DGLUCY: variants seen among roughly 807,000 people sequenced by gnomAD.
DGLUCY encodes the protein D-glutamate cyclase, mitochondrial.
DGLUCY carries 58 observed loss-of-function variants against 58.5 expected under a neutral mutation model. The ratio of observed to expected loss-of-function variants is 0.99; its 90% CI spans 0.80 to 1.23. The LOEUF is 1.23. Ranked by LOEUF, DGLUCY falls within the 50% of genes most tolerant of loss-of-function variation. DGLUCY has a pLI of 0.00. For synonymous variants in DGLUCY, 325 were observed against 314.1 expected (o/e 1.03, Z -0.37); for missense variants, 779 against 784.7 (o/e 0.99, Z 0.09).
chr14:91,081,352 G>C (rs2044124598), intron 1 of DGLUCY, among the ~76,000 whole-genome samples: 1 of 152,204 alleles, frequency 6.6e-6, no homozygotes, highest in South Asian at 2.1e-4. Context: ...CAGCAATACG[G>C]TACTAAATTT....
intron 10 of DGLUCY, 59 bp downstream of exon 10, chr14:91,196,533 A>T (rs1241545278): frequency 7.1e-7 from 1 of 1,405,532 alleles, no homozygotes; most frequent in East Asian, 2.3e-5. Context: ...TATGCTCTTC[A>T]CTTAGCCAAC....
exon 1 of DGLUCY, chr14:91,060,580 C>G: frequency 1.8e-6 from 2 of 1,084,728 alleles, no homozygotes; most frequent in Non-Finnish European, 1.2e-6. Context: ...GTCTCTTTCC[C>G]GCTCTGGCCG....
intron 1 of DGLUCY, among the ~76,000 whole-genome samples, chr14:91,085,221 CAAAAAAAAAA>C (rs745438426): frequency 1.1e-5 from 1 of 89,286 alleles, no homozygotes; most frequent in African/African-American, 3.7e-5. Context: ...AACCCTGTCT[CAAAAAAAAAA>C]AAAAAAAAAA....
chr14:91,060,653 G>T (rs1210969667), exon 1 of DGLUCY: 2 of 493,086 alleles, frequency 4.1e-6, no homozygotes, highest in African/African-American at 2.0e-5. Flanking sequence ...CAACCAAACC[G>T]CCCCCTGCTC....
At chr14:91,136,249 T>C (rs1346526108) in intron 1 of DGLUCY, among the ~76,000 whole-genome samples, 1 of 152,004 alleles carries the variant, frequency 6.6e-6, no homozygotes, top group East Asian at 1.9e-4. Context: ...GCATTTTTTA[T>C]ACTACAGGGG....
chr14:91,215,063 C>T (rs917922530), intron 12 of DGLUCY, among the ~76,000 whole-genome samples: 3 of 152,134 alleles, frequency 2.0e-5, no homozygotes, highest in Non-Finnish European at 2.9e-5. Flanking sequence ...GCAGGAGAAT[C>T]GCTTGAACCC....
At chr14:91,196,280 A>G in intron 9 of DGLUCY, 95 bp from the exon 10 acceptor site, 3 of 896,262 alleles carry the variant, frequency 3.3e-6, no homozygotes, top group South Asian at 1.4e-5. Context: ...AACAACAGTA[A>G]TGATACCCTT....
rs1442543827 is a variant in DGLUCY at position 91,181,318 on chromosome 14, A to G, written c.863A>G (p.His288Arg). The change falls in exon 8 of 14, where the codon CAC becomes CGC. Residue 288 changes from histidine to arginine, a missense_variant. His to Arg is a conservative substitution (Grantham distance 29). Transcript: ENST00000256324. ...CATCACATTTCCCAAGATCCTCTGC[A>G]CTACAGCATCGCGTCAGTCTCTGCT... The part of the protein sequence containing the change: ...EVHHISQDPL[H>R]YSIASVSASQ... 2 of 1,614,112 alleles carry G rather than the reference A, an allele frequency of 1.2e-6. No homozygotes were observed. Among genetic ancestry groups the G allele is most frequent in the Admixed American group, 1.7e-5 (1 of 59,996 alleles).
Position 91,181,276 on chromosome 14 carries a change from A to G in DGLUCY, c.821A>G (p.Glu274Gly), listed in dbSNP as rs759672107. Residue 274 changes from glutamate to glycine, a missense_variant, in exon 8 of 14, where the codon GAG becomes GGG. Coordinates refer to ENST00000256324, the MANE Select transcript of DGLUCY (RefSeq NM_001102368.3). ...AKAPPGCLTPERIPEVHHISQ... is the reference protein window; with the variant it reads ...AKAPPGCLTPGRIPEVHHISQ... ...GCTCCACCTGGTTGTCTCACCCCAG[A>G]GAGAATTCCAGAGGTCCATCACATT... 2 of 1,614,128 alleles carry G rather than the reference A, an allele frequency of 1.2e-6. No individual in the cohort carries two copies. Among genetic ancestry groups the G allele is most frequent in the East Asian group, 2.2e-5 (1 of 44,884 alleles).
rs187702589 is a variant in DGLUCY at position 91,094,179 on chromosome 14, A to G, written c.-82+33475A>G. 4.3e-3 allele frequency among the ~76,000 whole-genome samples: 655 copies of G among 152,180 alleles called. 8 individuals are homozygous for G. Among genetic ancestry groups the G allele is most frequent in the African/African-American group, 0.015 (621 of 41,516 alleles). The stretch of plus-strand genomic sequence containing the variant: ...AGGCTGGGCACGGTAGCTCACGCCT[A>G]TAATCCCAGCACTTTGGGAGGCTGA... On this transcript the variant is annotated intron_variant, in intron 1 of 4. Transcript: ENST00000521334.
intron 1 of DGLUCY, among the ~76,000 whole-genome samples, chr14:91,102,761 G>GTGTGTA (rs1555391111): frequency 4.6e-5 from 7 of 150,624 alleles, no homozygotes; most frequent in African/African-American, 1.7e-4. Context: ...GTGTGTGTGT[G>GTGTGTA]TGTGTGTGTG....
intron 7 of DGLUCY, among the ~76,000 whole-genome samples, chr14:91,180,520 C>T (rs994096560): frequency 6.9e-6 from 1 of 144,418 alleles, no homozygotes; most frequent in Non-Finnish European, 1.5e-5. Context: ...TGCAGTGAGC[C>T]AAGATCATAC....
intron 1 of DGLUCY, among the ~76,000 whole-genome samples, chr14:91,154,705 C>G (rs934710861): frequency 3.9e-5 from 6 of 152,146 alleles, no homozygotes; most frequent in African/African-American, 1.4e-4. Context: ...CCCTGCGCTC[C>G]CATCTCATCT....
intron 1 of DGLUCY, among the ~76,000 whole-genome samples, chr14:91,062,547 A>T (rs1758703186): frequency 9.5e-5 from 1 of 10,514 alleles, no homozygotes; most frequent in African/African-American, 3.1e-4. Context: ...GACTCTGTCT[A>T]AAAAAAAAAA....
upstream of DGLUCY, among the ~76,000 whole-genome samples, chr14:91,111,200 ATATGTGTGTGTGTGTGTGTGTG>A (rs1166771392): frequency 1.9e-4 from 15 of 79,154 alleles, no homozygotes; most frequent in Middle Eastern, 5.7e-3. Flanking sequence ...TTATTTATAT[ATATGTGTGTGTGTGTGTGTGTG>A]TGTGTGTGTG....
chr14:91,215,620 G>T, intron 13 of DGLUCY, 64 bp downstream of exon 13: 1 of 1,607,084 alleles, frequency 6.2e-7, no homozygotes, highest in South Asian at 1.1e-5. Flanking sequence ...CAGCAGGCCT[G>T]AGGTCCCAAG....
At position 91,121,665 on chromosome 14, in the gene DGLUCY, A is replaced by G. The variant is rs192866619; in HGVS notation, c.-82+7382A>G. On this transcript the variant is annotated intron_variant, in intron 1 of 13. Transcript: ENST00000256324. The stretch of plus-strand genomic sequence containing the variant: ...AATAATAATAATAATTTCAAGAACA[A>G]ACTCAACTAATGTCTTCAGTGAAGG... 2.9e-3 allele frequency among the ~76,000 whole-genome samples: 444 copies of G among 150,738 alleles called. 2 individuals carry two copies. The highest frequency in any genetic ancestry group is 0.014 in the Middle Eastern group (4 of 282).
At chr14:91,167,190 G>C (rs754790221) in intron 3 of DGLUCY, 35 bp from the exon 4 acceptor site, 1 of 1,550,608 alleles carries the variant, frequency 6.4e-7, no homozygotes, top group African/African-American at 1.4e-5. Flanking sequence ...AGAAACCGCT[G>C]ACTATACATT....
upstream of DGLUCY, among the ~76,000 whole-genome samples, chr14:91,106,600 G>A (rs1283409045): frequency 3.9e-5 from 6 of 152,118 alleles, no homozygotes; most frequent in South Asian, 2.1e-4. Context: ...CCAGCTACGC[G>A]GGAGGCTGAG....
Sources: allele counts gnomAD v4.1 joint callset (sites outside exome capture counted in the v4.1 genomes callset), GRCh38; gene constraint gnomAD v4.1.1; transcripts MANE v1.5; gene names NCBI Gene and HGNC (gene_info 2026-07-23, HGNC 2026-07-21).